The following KDM2A variants were observed in gnomAD, a reference collection of about 807,000 sequenced individuals.
KDM2A encodes lysine demethylase 2A.
A neutral mutation model predicts 137.3 loss-of-function variants in KDM2A; 3 were observed. The ratio of observed to expected loss-of-function variants is 0.02; its 90% CI spans 0.01 to 0.06. The LOEUF (loss-of-function observed/expected upper bound fraction) is 0.06, where lower values mean the gene tolerates loss of function less well. Ranked by LOEUF, KDM2A falls within the 10% of genes least tolerant of loss-of-function variation. The pLI is 1.00. For synonymous variants in KDM2A, 512 were observed against 541.5 expected, an observed-to-expected ratio of 0.95 and a Z score of 0.76; for missense variants, 738 against 1,510.6, an observed-to-expected ratio of 0.49 and a Z score of 8.48.
chr11:67,142,237 A>G (rs1361154362), intron 2 of KDM2A, among the ~76,000 whole-genome samples: 4 of 151,754 alleles, frequency 2.6e-5, no homozygotes, highest in African/African-American at 7.3e-5. Flanking sequence ...GGGTTTGACC[A>G]TGTTGGTCAG....
intron 10 of KDM2A, among the ~76,000 whole-genome samples, chr11:67,226,671 G>A (rs1383004490): frequency 4.6e-5 from 7 of 152,078 alleles, no homozygotes; most frequent in Non-Finnish European, 1.0e-4. Flanking sequence ...GCAGTGAGCC[G>A]AGATCGCGCC....
At chr11:67,125,003 G>A (rs1435642223) in intron 2 of KDM2A, among the ~76,000 whole-genome samples, 2 of 150,938 alleles carry the variant, frequency 1.3e-5, no homozygotes, top group East Asian at 2.0e-4. Context: ...GGCTACAGGC[G>A]CCCGCCGCCA....
intron 2 of KDM2A, among the ~76,000 whole-genome samples, chr11:67,147,578 A>G (rs1255458695): frequency 1.3e-5 from 2 of 151,740 alleles, no homozygotes; most frequent in Non-Finnish European, 2.9e-5. Flanking sequence ...ACTGGATTTC[A>G]AGAGCCAGTG....
chr11:67,254,939 G>A lies in KDM2A; in HGVS notation c.3373G>A (p.Asp1125Asn). 1 of 1,613,918 alleles carries A rather than the reference G, an allele frequency of 6.2e-7. No homozygotes were observed. Among genetic ancestry groups the A allele is most frequent in the Non-Finnish European group, 8.5e-7 (1 of 1,179,874 alleles). The change falls in exon 21 of 21, where the codon GAC becomes AAC. Residue 1125 changes from aspartate to asparagine, a missense_variant. Coordinates refer to ENST00000529006, the MANE Select transcript of KDM2A (RefSeq NM_012308.3). This position sits in a 1 kb window ranked among gnomAD's most constrained non-coding sequence, Gnocchi z 4.7. ...GCGCATTGCCAACGTCACCTTGATC[G>A]ACCTTCGAGGATGCAAGCAGATCAC... Reference protein sequence around the residue: ...LRRIANVTLIDLRGCKQITRK... With the variant: ...LRRIANVTLINLRGCKQITRK...
chr11:67,141,878 G>T (rs961375586), intron 2 of KDM2A, among the ~76,000 whole-genome samples: 2 of 151,490 alleles, frequency 1.3e-5, no homozygotes, highest in African/African-American at 2.4e-5. Flanking sequence ...CTGTTTATGA[G>T]ATCAGCTTTT....
At chr11:67,150,814 T>G (rs1590725692) in intron 2 of KDM2A, among the ~76,000 whole-genome samples, 1 of 151,210 alleles carries the variant, frequency 6.6e-6, no homozygotes, top group African/African-American at 2.4e-5. Context: ...AAAAATAAAA[T>G]TAAAATGCCA....
intron 1 of KDM2A, 43 bp downstream of exon 1, chr11:67,120,092 C>T (rs1855563795): frequency 6.6e-6 from 1 of 151,648 alleles, no homozygotes; most frequent in Admixed American, 6.6e-5. Context: ...GTTTGGTTGA[C>T]TGTGTTATCC....
intron 2 of KDM2A, among the ~76,000 whole-genome samples, chr11:67,169,618 C>T (rs1856830562): frequency 6.6e-6 from 1 of 151,762 alleles, no homozygotes; most frequent in African/African-American, 2.4e-5. Context: ...TTAGGTGATC[C>T]TCCTGCCTCA....
In KDM2A at chr11:67,245,926, A is replaced by G. The variant is rs953034374; in HGVS notation, c.1834-59A>G. 5.0e-6 allele frequency: 8 copies of G among 1,596,252 alleles called. No homozygotes were observed. Among genetic ancestry groups the G allele is most frequent in the Non-Finnish European group, 8.6e-7 (1 of 1,167,460 alleles). ...AATCTCCCATCTTCAGTTTAAGGGA[A>G]ACTGAAATGATAAAGATCTGAGTCA... On this transcript the variant is annotated intron_variant, in intron 14 of 20. Coordinates refer to ENST00000529006, the MANE Select transcript of KDM2A (RefSeq NM_012308.3). The surrounding 1 kb of genome is among the most constrained non-coding windows in gnomAD (Gnocchi z 4.1).
chr11:67,232,184 T>C (rs749712054), intron 12 of KDM2A, among the ~76,000 whole-genome samples: 6 of 152,238 alleles, frequency 3.9e-5, no homozygotes, highest in East Asian at 1.9e-4. Flanking sequence ...TGAAGACTTA[T>C]AAATTTAGTC....
chr11:67,135,785 A>G (rs1324504628), intron 2 of KDM2A, among the ~76,000 whole-genome samples: 1 of 152,208 alleles, frequency 6.6e-6, no homozygotes, highest in African/African-American at 2.4e-5. Context: ...ACTTGTGGAC[A>G]GTGCTACATG....
intron 2 of KDM2A, among the ~76,000 whole-genome samples, chr11:67,136,153 C>T (rs373436005): frequency 1.2e-4 from 18 of 152,272 alleles, no homozygotes; most frequent in African/African-American, 4.1e-4. Context: ...TGAATGTGTA[C>T]TGTGTGCTTG....
At chr11:67,238,776 T>C (rs1858941379) in intron 12 of KDM2A, among the ~76,000 whole-genome samples, 1 of 152,192 alleles carries the variant, frequency 6.6e-6, no homozygotes, top group African/African-American at 2.4e-5. Context: ...AGTTATACAT[T>C]TGTAAGGGTC....
chr11:67,246,158 G>T, intron 15 of KDM2A, 42 bp downstream of exon 15: 1 of 1,609,866 alleles, frequency 6.2e-7, no homozygotes, highest in Non-Finnish European at 8.5e-7. Context: ...TCAGCTAATG[G>T]AGTGAGTGAC....
At chr11:67,127,442 T>C (rs756914805) in intron 2 of KDM2A, among the ~76,000 whole-genome samples, 1 of 151,884 alleles carries the variant, frequency 6.6e-6, no homozygotes, top group Non-Finnish European at 1.5e-5. Flanking sequence ...CTTGATGAAA[T>C]TGAGAGTTTT....
At chr11:67,235,061 C>T (rs886627411) in intron 12 of KDM2A, among the ~76,000 whole-genome samples, 2 of 148,626 alleles carry the variant, frequency 1.3e-5, no homozygotes, top group South Asian at 4.3e-4. Context: ...AGGAGAATGG[C>T]GTGAACCCGG....
At chr11:67,137,234 G>A (rs994802521) in intron 2 of KDM2A, among the ~76,000 whole-genome samples, 2 of 152,202 alleles carry the variant, frequency 1.3e-5, no homozygotes, top group African/African-American at 4.8e-5. Flanking sequence ...TTCTTGACAA[G>A]GTAGACAGGT....
At position 67,254,609 on chromosome 11, in the gene KDM2A, A is replaced by T; in HGVS notation, c.3307+191A>T. On this transcript the variant is annotated intron_variant, in intron 20 of 20. Transcript: ENST00000529006. The surrounding 1 kb of genome is among the most constrained non-coding windows in gnomAD (Gnocchi z 4.7). ...GGGGGACTGAGGCCTTGAGTAGTTA[A>T]GTCGGTTGCCTGTCTGCGCAGCCAA... is the stretch of plus-strand genomic sequence containing the variant. The T allele has an allele frequency of 1.5e-6, 1 of 648,054 alleles. No individual in the cohort carries two copies. The highest frequency in any genetic ancestry group is 2.8e-5 in the Admixed American group (1 of 36,304). 40.1% of individuals were successfully genotyped at this position (648,054 alleles called of 1,614,324 possible). A position where few individuals can be genotyped will look rare whatever the true frequency, so the allele number is the denominator to read the frequency against.
At chr11:67,123,833 C>T (rs936126867) in intron 2 of KDM2A, among the ~76,000 whole-genome samples, 2 of 152,134 alleles carry the variant, frequency 1.3e-5, no homozygotes, top group African/African-American at 2.4e-5. Context: ...CCTACCACCA[C>T]ACCTGGCTGA....
Sources: gnomAD v4.1 joint callset for allele counts (sites outside exome capture counted in the v4.1 genomes callset) on GRCh38, gnomAD v4.1.1 for gene constraint, Gnocchi (gnomAD v3.1) non-coding constraint, MANE v1.5 for transcripts, NCBI Gene and HGNC (gene_info 2026-07-23, HGNC 2026-07-21) for gene names.